The following CFAP47 variants were observed in gnomAD, a reference collection of about 807,000 sequenced individuals.
The protein encoded by CFAP47 is cilia and flagella associated protein 47, also known as cilia- and flagella-associated protein 47.
Under a neutral mutation model 148.1 loss-of-function variants are expected in CFAP47, and 29 were observed. The ratio of observed to expected loss-of-function variants is 0.20; its 90% confidence interval spans 0.15 to 0.27. The LOEUF (loss-of-function observed/expected upper bound fraction) is 0.27. CFAP47 is among the 10% of genes least tolerant of loss of function. The pLI, the probability that CFAP47 is intolerant of heterozygous loss-of-function variation, is 1.00. For missense variants in CFAP47, 1,872 were observed against 1,697.5 expected, an observed-to-expected ratio of 1.10 and a Z score of -1.81; for synonymous variants, 664 against 577.3, an observed-to-expected ratio of 1.15 and a Z score of -2.15.
At chrX:36,082,288 A>G (rs1414695351) in intron 29 of CFAP47, among the ~76,000 whole-genome samples, 3 of 110,879 alleles carry the variant, frequency 2.7e-5, no homozygotes, top group Non-Finnish European at 5.7e-5. Context: ...ATAATTAATG[A>G]CTTTGGGCAT....
intron 57 of CFAP47, among the ~76,000 whole-genome samples, chrX:36,344,686 G>A (rs1941682803): frequency 9.0e-6 from 1 of 111,620 alleles, no homozygotes; most frequent in Non-Finnish European, 1.9e-5. Context: ...TAAAAGCCTA[G>A]GTTTATTTTT....
At position 36,200,434 on chromosome X, in the gene CFAP47, G is replaced by T; in HGVS notation, c.6377G>T (p.Ser2126Ile). 3.4e-6 allele frequency: 1 copy of T among 297,172 alleles called. No homozygotes were observed. Among genetic ancestry groups the T allele is most frequent in the Non-Finnish European group, 5.9e-6 (1 of 169,829 alleles). 24.5% of individuals were successfully genotyped at this position (297,172 alleles called of 1,213,427 possible). ...EGKGMTPLPS[S>I]CLPMNTSSSP... Reference sequence around the variant, plus strand: ...AAAGGTATGACCCCCTTGCCTTCCAGTTGCCTTCCAATGAATACGTCTTCA... The same window carrying T: ...AAAGGTATGACCCCCTTGCCTTCCATTTGCCTTCCAATGAATACGTCTTCA... Residue 2126 changes from serine to isoleucine, a missense_variant, in exon 43 of 64, where the codon AGT becomes ATT. By Grantham distance (142) the Ser-to-Ile change is moderately radical. Transcript: ENST00000378653.
At chrX:36,200,141 A>G (rs191416020) in intron 42 of CFAP47, among the ~76,000 whole-genome samples, 25 of 111,809 alleles carry the variant, frequency 2.2e-4, no homozygotes, top group East Asian at 2.8e-4. Flanking sequence ...ACTGCTATCA[A>G]TGCAATCCTG....
At chrX:35,981,203 G>A (rs746397191) in intron 15 of CFAP47, among the ~76,000 whole-genome samples, 1 of 108,834 alleles carries the variant, frequency 9.2e-6, no homozygotes, top group South Asian at 4.0e-4. Context: ...TACTTACTTA[G>A]TACCAAAGAA....
intron 57 of CFAP47, among the ~76,000 whole-genome samples, chrX:36,341,980 C>G (rs1569321752): frequency 9.1e-6 from 1 of 109,987 alleles, no homozygotes. Flanking sequence ...TATATAGTGA[C>G]TGTATGGAAA....
chrX:36,065,354 A>G (rs891103507), intron 26 of CFAP47, among the ~76,000 whole-genome samples: 2 of 111,346 alleles, frequency 1.8e-5, no homozygotes, highest in Non-Finnish European at 3.8e-5. Flanking sequence ...ACTATGAGAC[A>G]CCTTCAACTC....
chrX:36,371,988 A>ATACACACATG (rs1941973718), intron 62 of CFAP47, among the ~76,000 whole-genome samples: 1 of 102,825 alleles, frequency 9.7e-6, no homozygotes, highest in African/African-American at 3.5e-5. Context: ...GTGTGTATAT[A>ATACACACATG]TGTATGTGTA....
At chrX:36,117,798 T>C (rs1308341943) in intron 33 of CFAP47, among the ~76,000 whole-genome samples, 1 of 111,825 alleles carries the variant, frequency 8.9e-6, no homozygotes, top group Non-Finnish European at 1.9e-5. Context: ...TTGTGGGGTA[T>C]TAATAAAGAA....
intron 36 of CFAP47, 43 bp downstream of exon 36, chrX:36,145,396 A>G (rs758179411): frequency 2.1e-5 from 6 of 291,684 alleles, no homozygotes; most frequent in Middle Eastern, 9.1e-4. Flanking sequence ...GAGTTACACA[A>G]TTAAGAGAGG....
chrX:36,170,048 G>A (rs1027825216), intron 39 of CFAP47, among the ~76,000 whole-genome samples: 9 of 111,364 alleles, frequency 8.1e-5, no homozygotes, highest in Non-Finnish European at 1.1e-4. Flanking sequence ...TACAACTTCC[G>A]TGGATGCAAG....
chrX:36,162,342 A>T (rs184782200), intron 39 of CFAP47, among the ~76,000 whole-genome samples: 49 of 111,594 alleles, frequency 4.4e-4, no homozygotes, highest in African/African-American at 1.5e-3. Flanking sequence ...TGCAAAACCA[A>T]TATTGTGTAA....
intron 37 of CFAP47, among the ~76,000 whole-genome samples, chrX:36,153,588 A>G (rs1040604076): frequency 8.9e-6 from 1 of 112,057 alleles, no homozygotes; most frequent in Non-Finnish European, 1.9e-5. Flanking sequence ...TTTAGTGGGA[A>G]CTCTGCAGTG....
At chrX:36,232,593 T>A (rs1226746148) in intron 46 of CFAP47, among the ~76,000 whole-genome samples, 89 of 111,336 alleles carry the variant, frequency 8.0e-4, no homozygotes, top group African/African-American at 2.8e-3. Context: ...TTTTAAAGGG[T>A]TTTTTTGTGT....
At chrX:36,366,527 C>T (rs112521464) in intron 61 of CFAP47, among the ~76,000 whole-genome samples, 3,507 of 111,143 alleles carry the variant, frequency 0.032, 139 homozygotes, top group African/African-American at 0.11. Context: ...CTTTGTGAAA[C>T]GAGTTGAAAA....
At chrX:36,380,351 C>A (rs1942066717) in intron 63 of CFAP47, among the ~76,000 whole-genome samples, 1 of 112,995 alleles carries the variant, frequency 8.8e-6, no homozygotes, top group South Asian at 3.6e-4. Flanking sequence ...TATTTCTATT[C>A]TTTTCATCTT....
intron 17 of CFAP47, 37 bp from the exon 18 acceptor site, chrX:35,993,153 A>G: frequency 3.4e-6 from 1 of 290,157 alleles, no homozygotes. Context: ...ATAATTTTAA[A>G]GAATAATGTA....
intron 33 of CFAP47, among the ~76,000 whole-genome samples, chrX:36,121,392 C>T (rs1938741073): frequency 9.0e-6 from 1 of 110,752 alleles, no homozygotes; most frequent in Non-Finnish European, 1.9e-5. Context: ...AGTACTTACT[C>T]CTGCCATTTT....
intron 51 of CFAP47, among the ~76,000 whole-genome samples, chrX:36,288,748 T>G (rs782764789): frequency 9.0e-6 from 1 of 111,093 alleles, no homozygotes; most frequent in East Asian, 2.9e-4. Context: ...ACAACACAAG[T>G]GAGACCAGGT....
At chrX:36,224,084 T>C (rs781916837) in intron 45 of CFAP47, among the ~76,000 whole-genome samples, 1 of 111,608 alleles carries the variant, frequency 9.0e-6, no homozygotes, top group East Asian at 2.8e-4. Context: ...AAATAATGCT[T>C]ATGTCTTAAC....
Sources: allele counts gnomAD v4.1 joint callset (sites outside exome capture counted in the v4.1 genomes callset), GRCh38; gene constraint gnomAD v4.1.1; transcripts MANE v1.5; gene names NCBI Gene and HGNC (gene_info 2026-07-23, HGNC 2026-07-21).